Variants in LCTL observed in about 807,000 individuals in gnomAD.
LCTL encodes the protein lactase like.
LCTL carries 76 observed loss-of-function variants against 75.8 expected under a neutral mutation model. The observed-to-expected ratio is 1.00, with a 90% confidence interval of 0.83 to 1.21. The LOEUF (loss-of-function observed/expected upper bound fraction) is 1.21, where lower values mean the gene tolerates loss of function less well. Among genes scored for constraint, LCTL ranks in the 50% most tolerant of loss-of-function variants. The probability of loss-of-function intolerance (pLI) is 0.00; values close to 1 mark genes in which losing one functional copy is unlikely to be tolerated. For synonymous variants in LCTL, 271 were observed against 268.8 expected, an observed-to-expected ratio of 1.01 and a Z score of -0.08; for missense variants, 670 against 712.4, an observed-to-expected ratio of 0.94 and a Z score of 0.68.
intron 8 of LCTL, among the ~76,000 whole-genome samples, chr15:66,555,492 G>T (rs919742076): frequency 6.6e-6 from 1 of 151,824 alleles, no homozygotes; most frequent in Admixed American, 6.6e-5. Context: ...AGTGAGCCGA[G>T]ATCGCACCAC....
In LCTL at chr15:66,563,624, GGCTGCAGGTGAAATAAAAGAAGAT is replaced by G. The variant is rs752084547; in HGVS notation, c.371-23_371del. 5.0e-6 allele frequency: 8 copies of G among 1,594,144 alleles called. No homozygotes were observed. The highest frequency in any genetic ancestry group is 1.7e-5 in the Admixed American group (1 of 59,794). On this transcript the variant is annotated splice_acceptor_variant and splice_polypyrimidine_tract_variant and coding_sequence_variant and intron_variant, in exon 4 of 13. Coordinates refer to ENST00000341509, the Ensembl canonical transcript of LCTL. LOFTEE classifies it high-confidence loss of function. ...CGATTCCCTTCTTGTTCACCTGCTC[GGCTGCAGGTGAAATAAAAGAAGAT>G]GCTACCAGAAAGGACCTCGGCCTTG...
intron 11 of LCTL, among the ~76,000 whole-genome samples, chr15:66,551,060 AGATTTGG>A (rs1895579979): frequency 6.6e-6 from 1 of 151,986 alleles, no homozygotes; most frequent in Admixed American, 6.6e-5. Context: ...TTAAGACACA[AGATTTGG>A]GCCAGGCGCG....
chr15:66,556,306 A>AT (rs1027174694), intron 8 of LCTL, among the ~76,000 whole-genome samples: 8 of 151,462 alleles, frequency 5.3e-5, no homozygotes, highest in East Asian at 1.9e-4. Context: ...GACAATGGAA[A>AT]TTTTTTTTTC....
chr15:66,558,104 G>T, intron 6 of LCTL, 68 bp from the exon 8 acceptor site: 2 of 1,350,512 alleles, frequency 1.5e-6, no homozygotes, highest in Non-Finnish European at 2.0e-6. Context: ...AATCTGAGTG[G>T]CCTTTCTTTG....
At chr15:66,551,345 C>CAAAA (rs67322943) in intron 11 of LCTL, among the ~76,000 whole-genome samples, 20 of 50,518 alleles carry the variant, frequency 4.0e-4, no homozygotes, top group African/African-American at 6.8e-4. Flanking sequence ...GATTCTGTCT[C>CAAAA]AAAAAAAAAA....
chr15:66,553,775 TGTATTTTCACAGATTACTCAGTAA>T (rs1177818428), intron 8 of LCTL, among the ~76,000 whole-genome samples: 1 of 148,384 alleles, frequency 6.7e-6, no homozygotes, highest in Non-Finnish European at 1.5e-5. Flanking sequence ...AAAAAAAAGT[TGTATTTTCACAGATTACTCAGTAA>T]GTGGTGTGTA....
At position 66,563,623 on chromosome 15, in the gene LCTL, C is replaced by T. The variant is rs767964529; in HGVS notation, c.373G>A (p.Glu125Lys). Residue 125 changes from glutamate to lysine, a missense_variant and splice_region_variant, in exon 4 of 13, where the codon GAG becomes AAG. Coordinates refer to ENST00000341509, the Ensembl canonical transcript of LCTL. ...TCGATTCCCTTCTTGTTCACCTGCT[C>T]GGCTGCAGGTGAAATAAAAGAAGAT... is the stretch of plus-strand genomic sequence containing the variant. The T allele has an allele frequency of 9.4e-6, 15 of 1,597,092 alleles. No homozygotes were observed. The highest frequency in any genetic ancestry group is 9.4e-5 in the African/African-American group (7 of 74,638).
exon 13 of LCTL, chr15:66,548,605 T>C: frequency 3.9e-6 from 6 of 1,538,360 alleles, no homozygotes; most frequent in Non-Finnish European, 5.4e-6. Flanking sequence ...TAGCAAGGGC[T>C]CTGAAATGAC....
exon 8 of LCTL, chr15:66,557,800 A>G (rs1161773084): frequency 6.2e-7 from 1 of 1,614,152 alleles, no homozygotes; most frequent in East Asian, 2.2e-5. Flanking sequence ...AACTGTAGGT[A>G]TCTCTCGGCA....
chr15:66,552,027 T>A lies in LCTL; in HGVS notation c.1324+16A>T. 2 of 1,604,686 alleles carry A rather than the reference T, an allele frequency of 1.2e-6. No individual in the cohort carries two copies. Among genetic ancestry groups the A allele is most frequent in the Non-Finnish European group, 1.7e-6 (2 of 1,176,832 alleles). On this transcript the variant is annotated intron_variant, in intron 10 of 12. Coordinates refer to ENST00000341509, the Ensembl canonical transcript of LCTL. ...TTAAACGGGAAAACTGCAGACAATC[T>A]TGGTTTGTGTCTCACCTTTTAGCAT...
At chr15:66,551,560 T>C in intron 11 of LCTL, 102 bp downstream of exon 12, 2 of 920,534 alleles carry the variant, frequency 2.2e-6, no homozygotes, top group Admixed American at 2.2e-5. Flanking sequence ...CCGTCCTCTT[T>C]CATGGAGGAA....
At chr15:66,560,899 A>G (rs1297609668) in intron 6 of LCTL, 107 bp downstream of exon 7, 4 of 899,972 alleles carry the variant, frequency 4.4e-6, no homozygotes, top group East Asian at 2.5e-5. Flanking sequence ...GCTATGGAGT[A>G]TGCTGACTCG....
intron 6 of LCTL, among the ~76,000 whole-genome samples, chr15:66,560,615 C>CACTCTGATG (rs1895862698): frequency 6.6e-6 from 1 of 152,188 alleles, no homozygotes; most frequent in South Asian, 2.1e-4. Flanking sequence ...TTGAAGTCCA[C>CACTCTGATG]ACTCTGATGA....
intron 2 of LCTL, chr15:66,564,313 AC>A: frequency 2.1e-6 from 1 of 481,732 alleles, no homozygotes; most frequent in Non-Finnish European, 3.7e-6. Flanking sequence ...AGCGGGTCCC[AC>A]TCCCTCCACA....
exon 13 of LCTL, chr15:66,548,587 A>G (rs1198071053): frequency 2.5e-6 from 4 of 1,606,650 alleles, no homozygotes; most frequent in East Asian, 4.5e-5. Context: ...AACCATTTGC[A>G]TGTGACTTAG....
intron 9 of LCTL, 99 bp from the exon 11 acceptor site, chr15:66,552,268 A>G (rs1895626364): frequency 1.1e-6 from 1 of 926,662 alleles, no homozygotes; most frequent in Non-Finnish European, 1.6e-6. Context: ...CAAGCCTGCC[A>G]CATTCTAATC....
At chr15:66,565,079 G>A (rs910249162) in intron 1 of LCTL, among the ~76,000 whole-genome samples, 169 bp downstream of exon 2, 1 of 139,230 alleles carries the variant, frequency 7.2e-6, no homozygotes, top group Non-Finnish European at 1.6e-5. Context: ...GTAATTTTTA[G>A]TAACTTCAAA....
At chr15:66,551,724 T>C in exon 11 of LCTL, 1 of 1,614,022 alleles carries the variant, frequency 6.2e-7, no homozygotes, top group Non-Finnish European at 8.5e-7. Context: ...ACTGAAGCCT[T>C]TGGATAGCGA....
intron 8 of LCTL, among the ~76,000 whole-genome samples, chr15:66,554,310 A>T (rs1266397378): frequency 1.3e-5 from 2 of 149,460 alleles, no homozygotes; most frequent in East Asian, 2.0e-4. Flanking sequence ...AAAAAAAAAA[A>T]GTAGCTGGCT....
Sources: gnomAD v4.1 joint callset for allele counts (sites outside exome capture counted in the v4.1 genomes callset) on GRCh38, gnomAD v4.1.1 for gene constraint, MANE v1.5 for transcripts, NCBI Gene and HGNC (gene_info 2026-07-23, HGNC 2026-07-21) for gene names.